The following FBXO10 variants were observed in gnomAD, a reference collection of about 807,000 sequenced individuals.
FBXO10 encodes F-box only protein 10.
FBXO10 carries 39 observed loss-of-function variants against 80.7 expected under a neutral mutation model. The ratio of observed to expected loss-of-function variants is 0.48; its 90% confidence interval spans 0.37 to 0.63. The LOEUF is 0.63. Ranked by LOEUF, FBXO10 falls within the 30% of genes least tolerant of loss-of-function variation. The pLI is 0.00. For missense variants in FBXO10, 1,025 were observed against 1,269.0 expected (o/e 0.81, Z 2.92); for synonymous variants, 449 against 489.6 (o/e 0.92, Z 1.09).
At position 37,537,151 on chromosome 9, in the gene FBXO10, G is replaced by A. The variant is rs1821787010; in HGVS notation, c.1378C>T (p.Arg460Trp). 3.1e-6 allele frequency: 5 copies of A among 1,613,820 alleles called. No individual in the cohort carries two copies. Among genetic ancestry groups the A allele is most frequent in the Non-Finnish European group, 3.4e-6 (4 of 1,179,852 alleles). Reference protein sequence around the residue: ...GRAKMEGNIFRNLTYAVRCIH... With the variant: ...GRAKMEGNIFWNLTYAVRCIH... ...CACCGCACTGCGTAAGTCAGGTTCCGGAAGATGTTTCCTTCCATCTTGGCT... is the reference window on the plus strand; with the variant it reads ...CACCGCACTGCGTAAGTCAGGTTCCAGAAGATGTTTCCTTCCATCTTGGCT... Residue 460 changes from arginine to tryptophan, a missense_variant, in exon 3 of 11, where the codon CGG becomes TGG. By Grantham distance (101) the Arg-to-Trp change is moderately radical. This residue lies in a region of FBXO10 where 478 missense variants were observed against 667.8 expected (regional missense o/e 0.72). Coordinates refer to ENST00000432825, the MANE Select transcript of FBXO10 (RefSeq NM_012166.3).
intron 1 of FBXO10, among the ~76,000 whole-genome samples, chr9:37,575,316 G>C (rs1453044667): frequency 6.6e-6 from 1 of 152,154 alleles, no homozygotes; most frequent in East Asian, 1.9e-4. Context: ...AAAAGAAAAG[G>C]TCTTACAAAC....
intron 1 of FBXO10, among the ~76,000 whole-genome samples, chr9:37,553,731 C>T (rs1053713402): frequency 3.5e-5 from 5 of 142,982 alleles, no homozygotes; most frequent in African/African-American, 1.4e-4. Flanking sequence ...CATGGAGAAA[C>T]CCCGTCTCTA....
chr9:37,518,317 G>C lies in FBXO10; in HGVS notation c.2322C>G (p.Asn774Lys). ...CACTTTGCCGGTTGCAGGAGATGCT[G>C]TTGTTGGCCACTCGGGTGGGTTGGC... The part of the protein sequence containing the change: ...QSSQPTRVAN[N>K]SISCNRQSGV... The change falls in exon 9 of 11, where the codon AAC (asparagine) becomes AAG (lysine). Residue 774 changes from asparagine to lysine, a missense_variant. Around this residue, in one of 3 missense-constraint regions of FBXO10, gnomAD observed 478 missense variants for 667.8 expected, o/e 0.72. Coordinates refer to ENST00000432825, the MANE Select transcript of FBXO10 (RefSeq NM_012166.3). 6.2e-7 allele frequency: 1 copy of C among 1,614,088 alleles called. No homozygotes were observed. The highest frequency in any genetic ancestry group is 8.5e-7 in the Non-Finnish European group (1 of 1,179,908).
At chr9:37,535,351 T>A (rs886323652) in intron 3 of FBXO10, among the ~76,000 whole-genome samples, 2 of 141,228 alleles carry the variant, frequency 1.4e-5, no homozygotes, top group Non-Finnish European at 3.0e-5. Flanking sequence ...ACTTCTTTTT[T>A]TTTATTTTTT....
chr9:37,565,983 G>A (rs536470179), intron 1 of FBXO10, among the ~76,000 whole-genome samples: 4 of 152,350 alleles, frequency 2.6e-5, no homozygotes, highest in East Asian at 1.9e-4. Flanking sequence ...GAAGGGATCA[G>A]TGAGAAAGGC....
chr9:37,548,197 C>T (rs1822105401), intron 1 of FBXO10, among the ~76,000 whole-genome samples: 1 of 151,758 alleles, frequency 6.6e-6, no homozygotes, highest in Non-Finnish European at 1.5e-5. Flanking sequence ...CCAGCCTGGC[C>T]AACGTGGTGA....
chr9:37,573,417 A>T (rs1411589542), intron 1 of FBXO10, among the ~76,000 whole-genome samples: 5 of 152,210 alleles, frequency 3.3e-5, no homozygotes, highest in Admixed American at 1.3e-4. Context: ...CTAACCTTGG[A>T]AAACCAAGCA....
At chr9:37,552,499 C>T (rs1378472747) in intron 1 of FBXO10, among the ~76,000 whole-genome samples, 7 of 152,084 alleles carry the variant, frequency 4.6e-5, no homozygotes, top group South Asian at 4.2e-4. Context: ...CTGGCTGACA[C>T]GGTGAAACCC....
At chr9:37,550,312 A>G (rs1259122003) in intron 1 of FBXO10, among the ~76,000 whole-genome samples, 1 of 145,810 alleles carries the variant, frequency 6.9e-6, no homozygotes, top group East Asian at 2.0e-4. Flanking sequence ...CCTCCTGAGT[A>G]GCTGGTATTA....
chr9:37,568,399 T>A (rs894686100), intron 1 of FBXO10, among the ~76,000 whole-genome samples: 1 of 152,094 alleles, frequency 6.6e-6, no homozygotes, highest in Non-Finnish European at 1.5e-5. Flanking sequence ...GGTTTCACCG[T>A]GCTGGCCAGG....
chr9:37,515,535 G>A (rs4878155), intron 10 of FBXO10: 14,141 of 169,350 alleles, frequency 0.084, 773 homozygotes, highest in East Asian at 0.16. Context: ...GTGACTAAAG[G>A]ACAGCAGCAG....
In FBXO10 at chr9:37,541,786, A is replaced by G. The variant is rs1821926625; in HGVS notation, c.-6-12T>C. 2 of 1,552,436 alleles carry G rather than the reference A, an allele frequency of 1.3e-6. No individual in the cohort carries two copies. Among genetic ancestry groups the G allele is most frequent in the East Asian group, 2.3e-5 (1 of 44,212 alleles). ...GCCTCCATGGTCACCTAGGAGACAG[A>G]CACAAAACAAAAGAGATTTCTGTCT... On this transcript the variant is annotated splice_polypyrimidine_tract_variant and intron_variant, in intron 1 of 10. Coordinates refer to ENST00000432825, the MANE Select transcript of FBXO10 (RefSeq NM_012166.3).
At chr9:37,530,458 A>G (rs1347521642) in intron 4 of FBXO10, among the ~76,000 whole-genome samples, 1 of 151,808 alleles carries the variant, frequency 6.6e-6, no homozygotes, top group Non-Finnish European at 1.5e-5. Context: ...TTCCCCCTCC[A>G]CCTGCTATCC....
intron 1 of FBXO10, among the ~76,000 whole-genome samples, chr9:37,568,332 G>T (rs986464379): frequency 1.3e-5 from 2 of 151,864 alleles, no homozygotes; most frequent in African/African-American, 4.8e-5. Context: ...CGGGTAGCTG[G>T]GATTACAGCC....
intron 5 of FBXO10, among the ~76,000 whole-genome samples, chr9:37,527,517 G>A (rs1029943713): frequency 1.3e-5 from 2 of 152,078 alleles, no homozygotes; most frequent in Admixed American, 6.5e-5. Context: ...CTTTTCCCTG[G>A]CCATAAAATC....
chr9:37,568,746 A>G (rs1822672890), intron 1 of FBXO10, among the ~76,000 whole-genome samples: 1 of 152,048 alleles, frequency 6.6e-6, no homozygotes, highest in South Asian at 2.1e-4. Context: ...ATGTGGTCTA[A>G]GGTCGGAGTT....
At position 37,522,995 on chromosome 9, in the gene FBXO10, AAAG is replaced by A; in HGVS notation, c.1778-21_1778-19del. 1.3e-6 allele frequency: 2 copies of A among 1,583,298 alleles called. No homozygotes were observed. The highest frequency in any genetic ancestry group is 1.2e-5 in the South Asian group (1 of 85,982). ...GACATTTTCTATGGAGAGAAGCAGA[AAAG>A]AAGGTCAGTACCCAAGGGCCAGCTC... On this transcript the variant is annotated intron_variant, in intron 6 of 10. Coordinates refer to ENST00000432825, the MANE Select transcript of FBXO10 (RefSeq NM_012166.3).
At chr9:37,527,362 A>G (rs112145747) in intron 5 of FBXO10, among the ~76,000 whole-genome samples, 6 of 152,184 alleles carry the variant, frequency 3.9e-5, no homozygotes, top group African/African-American at 1.4e-4. Context: ...TATTCTGCCT[A>G]TCATGCTTGG....
At chr9:37,558,813 CT>C (rs34174564) in intron 1 of FBXO10, among the ~76,000 whole-genome samples, 47,780 of 144,562 alleles carry the variant, frequency 0.33, 7,482 homozygotes, top group Admixed American at 0.34. Flanking sequence ...GAAAGAAAAT[CT>C]TTTTTTTTTT....
Sources: allele counts gnomAD v4.1 joint callset (sites outside exome capture counted in the v4.1 genomes callset), GRCh38; gene constraint gnomAD v4.1.1; regional missense constraint gnomAD v4.1.1; transcripts MANE v1.5; gene names NCBI Gene and HGNC (gene_info 2026-07-23, HGNC 2026-07-21).